Variants in CCDC187 observed in about 807,000 individuals in gnomAD.
CCDC187 encodes the protein coiled-coil domain-containing protein 187.
Under a neutral mutation model 38.0 loss-of-function variants are expected in CCDC187, and 32 were observed. The ratio of observed to expected loss-of-function variants is 0.84; its 90% CI spans 0.64 to 1.13. CCDC187 has a LOEUF of 1.13. Among genes scored for constraint, CCDC187 ranks in the 50% most tolerant of loss-of-function variants. The probability of loss-of-function intolerance (pLI) is 0.00; values close to 1 mark genes in which losing one functional copy is unlikely to be tolerated. For missense variants in CCDC187, 707 were observed against 786.8 expected, an observed-to-expected ratio of 0.90 and a Z score of 1.21; for synonymous variants, 333 against 347.9, an observed-to-expected ratio of 0.96 and a Z score of 0.48.
At chr9:136,305,710 G>A (rs1419661776), upstream of CCDC187, among the ~76,000 whole-genome samples, 2 of 152,236 alleles carry the variant, frequency 1.3e-5, no homozygotes, top group Admixed American at 1.3e-4. Context: ...CATCATAAAT[G>A]CGTGGAAATG....
intron 25 of CCDC187, 54 bp from the exon 26 acceptor site, chr9:136,255,188 A>G: frequency 1.1e-6 from 1 of 899,576 alleles, no homozygotes; most frequent in Non-Finnish European, 1.3e-6. Context: ...GACCCCATGC[A>G]TATCCCACGA....
intron 16 of CCDC187, chr9:136,267,113 AAAAC>A (rs1564310081): frequency 2.6e-5 from 4 of 155,532 alleles, no homozygotes. Flanking sequence ...ACAAAACAAA[AAAAC>A]AAAGTATGCA....
chr9:136,259,038 C>T, intron 21 of CCDC187, 37 bp from the exon 22 acceptor site: 6 of 985,974 alleles, frequency 6.1e-6, no homozygotes, highest in Non-Finnish European at 7.2e-6. Context: ...GGCACAGGGC[C>T]CTGAAGGGAG....
intron 9 of CCDC187, among the ~76,000 whole-genome samples, chr9:136,282,881 G>A (rs1304067908): frequency 6.6e-6 from 1 of 152,346 alleles, no homozygotes; most frequent in Non-Finnish European, 1.5e-5. Flanking sequence ...GGGCTGGGTG[G>A]CTAGAAGCCC....
chr9:136,263,077 A>C (rs1588652187), intron 18 of CCDC187, among the ~76,000 whole-genome samples: 1 of 147,690 alleles, frequency 6.8e-6, no homozygotes, highest in African/African-American at 2.5e-5. Flanking sequence ...TATCCTCCCC[A>C]CCCAATCCAC....
At position 136,259,399 on chromosome 9, in the gene CCDC187, G is replaced by T. The variant is rs544924651; in HGVS notation, c.4260C>A (p.Ser1420Arg). 9 of 985,318 alleles carry T rather than the reference G, an allele frequency of 9.1e-6. No homozygotes were observed. The East Asian group carries it at 1.0e-3, about 112-fold the overall frequency. The allele number at this position is 985,318 out of a possible 1,614,324, so 61.0% of individuals were successfully genotyped here. The change falls in exon 21 of 26, where the codon AGC becomes AGA. Residue 1420 changes from serine (S) to arginine (R), a missense_variant. Ser to Arg is a moderately radical substitution (Grantham distance 110). Transcript: ENST00000638797. ...GGCCCAGCCGCTGTCCGTCCGGGGG[G>T]CTCACGTGCTGCAGGCCCAGCAGAG... ...RAPLLGLQHV[S>R]PPDGQRLGPA...
At position 136,252,850 on chromosome 9, in the gene CCDC187, C is replaced by G. The variant is rs62579876; in HGVS notation, c.*744G>C. The G allele has an allele frequency of 0.11, 16,727 of 152,366 alleles. 1,286 individuals are homozygous for G. Among genetic ancestry groups the G allele is most frequent in the Admixed American group, 0.19 (2,960 of 15,290 alleles). The allele number at this position is 152,366 out of a possible 1,614,324, so 9.4% of individuals were successfully genotyped here. Reference sequence around the variant, plus strand: ...GGGTACAGCGGCCTGAGTCTGTCTCCAGGAGCGGCTTTCTGCCCAGTGAGC... The same window carrying G: ...GGGTACAGCGGCCTGAGTCTGTCTCGAGGAGCGGCTTTCTGCCCAGTGAGC... On this transcript the variant is annotated 3_prime_UTR_variant, in exon 26 of 26. Transcript: ENST00000638797.
intron 4 of CCDC187, among the ~76,000 whole-genome samples, chr9:136,293,221 A>G (rs1346354762): frequency 3.0e-5 from 3 of 100,234 alleles, no homozygotes; most frequent in Admixed American, 1.0e-4. Flanking sequence ...ATGCTCACAC[A>G]CTCACACTCA....
rs1053797701 is a variant in CCDC187, at chr9:136,276,218, C to T, written c.3201G>A (p.Gly1067=). The T allele has an allele frequency of 0.11, 16,025 of 152,228 alleles. 1,169 individuals carry two copies. The highest frequency in any genetic ancestry group is 0.19 in the Admixed American group (2,901 of 15,298). The allele number at this position is 152,228 out of a possible 1,614,324, so 9.4% of individuals were successfully genotyped here. Residue 1067 remains glycine (G), a synonymous_variant, in exon 12 of 26, where the codon GGG becomes GGA. Coordinates refer to ENST00000638797, the MANE Select transcript of CCDC187 (RefSeq NM_001378188.1). ...CCTCCAGCCGCCTCCTGAAGAGCAG[C>T]CCATCCAGGGTCTGCTGTGTCTCCC... The part of the protein sequence containing the change: ...EARETQQTLD[G]LLFRRRLEQL...
At chr9:136,301,586 C>CTTTTTTTTT (rs1207423796) in intron 2 of CCDC187, among the ~76,000 whole-genome samples, 1 of 126,562 alleles carries the variant, frequency 7.9e-6, no homozygotes, top group Admixed American at 8.4e-5. Flanking sequence ...GCATACGTTA[C>CTTTTTTTTT]TTTTTTTTTT....
At chr9:136,255,933 A>G (rs1156669777) in intron 24 of CCDC187, among the ~76,000 whole-genome samples, 200 bp from the exon 25 acceptor site, 1 of 152,040 alleles carries the variant, frequency 6.6e-6, no homozygotes, top group Non-Finnish European at 1.5e-5. Context: ...TCCAGTCTCA[A>G]TCCCACTGGA....
At chr9:136,267,623 A>G in intron 15 of CCDC187, 112 bp from the exon 16 acceptor site, 5 of 985,138 alleles carry the variant, frequency 5.1e-6, no homozygotes, top group Non-Finnish European at 6.0e-6. Context: ...GACCGCTCCC[A>G]GCACAGGCCA....
chr9:136,255,678 C>A lies in CCDC187; in HGVS notation c.4672G>T (p.Ala1558Ser), dbSNP rs1244768460. 1 of 985,354 alleles carries A rather than the reference C, an allele frequency of 1.0e-6. No homozygotes were observed. The highest frequency in any genetic ancestry group is 1.7e-5 in the African/African-American group (1 of 57,216). The allele number at this position is 985,354 out of a possible 1,614,324, so 61.0% of individuals were successfully genotyped here. A position where few individuals can be genotyped will look rare whatever the true frequency, so the allele number is the denominator to read the frequency against. ...PGISSTWLEA[A>S]QAAASPAAPV... ...TTACCTGGGGAGGCAGCGGCCTGGG[C>A]AGCCTCCAGCCAGGTGGAGGAGATG... The change falls in exon 25 of 26, where the codon GCC becomes TCC. Residue 1558 changes from alanine to serine, a missense_variant. Transcript: ENST00000638797.
Position 136,290,790 on chromosome 9 carries a change from A to T in CCDC187, c.1823T>A (p.Phe608Tyr). ...CTCCTTCCCAAGTGGGTTCTGAGGG[A>T]AGCTCCCGGTGGGCCTTGGCAGGGC... ...KHALPRPTGS[F>Y]PQNPLGKEKD... The change falls in exon 6 of 26, where the codon TTC (phenylalanine) becomes TAC (tyrosine). Residue 608 changes from phenylalanine (F) to tyrosine (Y), a missense_variant. Physicochemically the swap from Phe to Tyr is conservative, Grantham distance 22. Transcript: ENST00000638797. 1 of 398,512 alleles carries T rather than the reference A, an allele frequency of 2.5e-6. No homozygotes were observed. The highest frequency in any genetic ancestry group is 1.3e-4 in the South Asian group (1 of 7,856). 24.7% of individuals were successfully genotyped at this position (398,512 alleles called of 1,614,324 possible).
rs545188309 is a variant in CCDC187, at chr9:136,251,716, C to T, written c.*1878G>A. Reference sequence around the variant, plus strand: ...TCTTGGCGACTCTGACTGTTCTTGCCTCTGGGCTGCAACGCCTTTTCTTGG... The same window carrying T: ...TCTTGGCGACTCTGACTGTTCTTGCTTCTGGGCTGCAACGCCTTTTCTTGG... On this transcript the variant is annotated 3_prime_UTR_variant, in exon 26 of 26. Coordinates refer to ENST00000638797, the MANE Select transcript of CCDC187 (RefSeq NM_001378188.1). The T allele has an allele frequency of 7.0e-4, 108 of 154,460 alleles. No homozygotes were observed. Among genetic ancestry groups the T allele is most frequent in the Non-Finnish European group, 1.5e-4 (10 of 68,818 alleles). 9.6% of individuals were successfully genotyped at this position (154,460 alleles called of 1,614,324 possible).
At chr9:136,289,116 A>G (rs1252529628) in intron 7 of CCDC187, among the ~76,000 whole-genome samples, 1 of 152,260 alleles carries the variant, frequency 6.6e-6, no homozygotes, top group East Asian at 1.9e-4. Flanking sequence ...AAGCTGCAAC[A>G]TGAATGAGCC....
chr9:136,283,904 C>T (rs1831107584), intron 9 of CCDC187, among the ~76,000 whole-genome samples: 1 of 152,214 alleles, frequency 6.6e-6, no homozygotes, highest in South Asian at 2.1e-4. Flanking sequence ...CGATGCTGCC[C>T]TCTTCTGGTC....
intron 14 of CCDC187, among the ~76,000 whole-genome samples, chr9:136,272,935 A>G (rs1184783183): frequency 6.6e-6 from 1 of 152,234 alleles, no homozygotes; most frequent in Non-Finnish European, 1.5e-5. Flanking sequence ...AGGCCAGGAA[A>G]GAAGAATTGG....
chr9:136,267,292 G>T (rs113143378), intron 16 of CCDC187, 92 bp downstream of exon 16: 31 of 899,140 alleles, frequency 3.4e-5, no homozygotes, highest in Non-Finnish European at 3.9e-5. Context: ...GGACCCGGAC[G>T]GGGCAGGGAG....
Sources: gnomAD v4.1 joint callset for allele counts (sites outside exome capture counted in the v4.1 genomes callset) on GRCh38, gnomAD v4.1.1 for gene constraint, MANE v1.5 for transcripts, NCBI Gene and HGNC (gene_info 2026-07-23, HGNC 2026-07-21) for gene names.